ADAMTSL3: variants seen among roughly 807,000 people sequenced by gnomAD.
ADAMTSL3 encodes the protein ADAMTS-like protein 3.
ADAMTSL3 carries 128 observed loss-of-function variants against 201.7 expected under a neutral mutation model. The observed-to-expected ratio is 0.63, with a 90% CI of 0.55 to 0.73. The LOEUF is 0.73. ADAMTSL3 is among the 30% of genes least tolerant of loss of function. The pLI, the probability that ADAMTSL3 is intolerant of heterozygous loss-of-function variation, is 0.00. For missense variants in ADAMTSL3, 1,990 were observed against 2,119.6 expected, an observed-to-expected ratio of 0.94 and a Z score of 1.20; for synonymous variants, 738 against 748.4, an observed-to-expected ratio of 0.99 and a Z score of 0.23.
chr15:83,906,622 C>CCA (rs1157198460), intron 15 of ADAMTSL3, among the ~76,000 whole-genome samples: 800 of 78,972 alleles, frequency 0.01, 4 homozygotes, highest in South Asian at 0.042. Context: ...GTGCCACACA[C>CCA]CACACACACA....
chr15:83,783,526 C>T (rs973431929), intron 4 of ADAMTSL3, among the ~76,000 whole-genome samples: 22 of 151,178 alleles, frequency 1.5e-4, no homozygotes, highest in Middle Eastern at 3.4e-3. Context: ...ACAAGGATAC[C>T]GAAAGACTGA....
At chr15:83,826,217 C>G (rs1330327162) in intron 6 of ADAMTSL3, among the ~76,000 whole-genome samples, 1 of 152,040 alleles carries the variant, frequency 6.6e-6, no homozygotes, top group Non-Finnish European at 1.5e-5. Context: ...GTAATCCTCC[C>G]AACCTAGTCT....
At chr15:83,999,146 A>T (rs1021488495) in intron 23 of ADAMTSL3, among the ~76,000 whole-genome samples, 2 of 152,178 alleles carry the variant, frequency 1.3e-5, no homozygotes, top group African/African-American at 4.8e-5. Context: ...TATTCCTGTA[A>T]CCCTTTCTCT....
intron 7 of ADAMTSL3, among the ~76,000 whole-genome samples, chr15:83,842,728 C>T (rs79588918): frequency 0.033 from 5,010 of 152,180 alleles, 279 homozygotes; most frequent in African/African-American, 0.11. Flanking sequence ...AGTTTTAGGA[C>T]TCAGATCAGT....
At chr15:83,869,698 G>C (rs1014393133) in intron 8 of ADAMTSL3, among the ~76,000 whole-genome samples, 1 of 152,138 alleles carries the variant, frequency 6.6e-6, no homozygotes, top group Non-Finnish European at 1.5e-5. Context: ...CATTTTATCA[G>C]CTTTCCATTT....
intron 15 of ADAMTSL3, among the ~76,000 whole-genome samples, chr15:83,903,288 T>TA (rs1237578438): frequency 7.0e-6 from 1 of 142,520 alleles, no homozygotes; most frequent in Non-Finnish European, 1.5e-5. Flanking sequence ...ACACAAAACT[T>TA]ACCATTTTAA....
intron 6 of ADAMTSL3, among the ~76,000 whole-genome samples, chr15:83,834,324 G>A (rs760044288): frequency 6.6e-6 from 1 of 152,100 alleles, no homozygotes; most frequent in Non-Finnish European, 1.5e-5. Flanking sequence ...AACTTCAAAG[G>A]GGGTGGAGAA....
At chr15:83,721,724 A>G (rs574021586) in intron 3 of ADAMTSL3, among the ~76,000 whole-genome samples, 4 of 151,932 alleles carry the variant, frequency 2.6e-5, no homozygotes, top group Non-Finnish European at 4.4e-5. Flanking sequence ...TAGCATATTT[A>G]TGTGTTTTGT....
chr15:83,826,204 C>T (rs1265050768), intron 6 of ADAMTSL3, among the ~76,000 whole-genome samples: 1 of 152,028 alleles, frequency 6.6e-6, no homozygotes, highest in Non-Finnish European at 1.5e-5. Context: ...CTCCTGGGCT[C>T]AAGTAATCCT....
intron 4 of ADAMTSL3, among the ~76,000 whole-genome samples, chr15:83,793,122 C>T (rs188621134): frequency 7.2e-5 from 11 of 151,952 alleles, no homozygotes; most frequent in Middle Eastern, 3.4e-3. Flanking sequence ...CATATGTAGA[C>T]GCTAAAAAAG....
In ADAMTSL3 at chr15:83,690,766, G is replaced by A. The variant is rs543171418; in HGVS notation, c.70-13623G>A. 7.9e-5 allele frequency among the ~76,000 whole-genome samples: 12 copies of A among 152,288 alleles called. No individual in the cohort carries two copies. The South Asian group carries it at 2.1e-3, about 26-fold the overall frequency. ...CTAGCACCAGACAAGACGCATGCTT[G>A]TACAGTAGTACTAAGGCTTACATTA... On this transcript the variant is annotated intron_variant, in intron 2 of 29. Coordinates refer to ENST00000286744, the MANE Select transcript of ADAMTSL3 (RefSeq NM_207517.3).
chr15:83,684,151 T>C (rs2061509449), intron 2 of ADAMTSL3, among the ~76,000 whole-genome samples: 3 of 152,202 alleles, frequency 2.0e-5, no homozygotes, highest in East Asian at 3.8e-4. Flanking sequence ...CTCATAGATA[T>C]TATAAGTTTT....
At chr15:83,783,432 G>A (rs570705476) in intron 4 of ADAMTSL3, among the ~76,000 whole-genome samples, 101 of 152,100 alleles carry the variant, frequency 6.6e-4, no homozygotes, top group African/African-American at 2.3e-3. Context: ...AGATGTAAAT[G>A]GACTAATTAC....
chr15:83,714,743 T>C (rs1164193047), intron 3 of ADAMTSL3, among the ~76,000 whole-genome samples: 1 of 23,746 alleles, frequency 4.2e-5, no homozygotes. Context: ...TCCTTCTCCT[T>C]TTCCTTCCTT....
intron 9 of ADAMTSL3, among the ~76,000 whole-genome samples, chr15:83,873,164 C>T (rs2065113493): frequency 7.0e-6 from 1 of 143,792 alleles, no homozygotes; most frequent in African/African-American, 2.7e-5. Flanking sequence ...AATAGCCGGA[C>T]GTGGTGGCAC....
chr15:83,910,590 C>T (rs1187734461), intron 15 of ADAMTSL3, among the ~76,000 whole-genome samples: 3 of 149,096 alleles, frequency 2.0e-5, no homozygotes, highest in Non-Finnish European at 4.4e-5. Flanking sequence ...ACTAGGAGGA[C>T]ATTGAGTATA....
chr15:84,036,319 C>A (rs1329323110), intron 28 of ADAMTSL3, among the ~76,000 whole-genome samples: 1 of 152,170 alleles, frequency 6.6e-6, no homozygotes, highest in African/African-American at 2.4e-5. Flanking sequence ...TTTTAGCAGA[C>A]AAGGTTGCTC....
chr15:83,743,792 G>A (rs1002574101), intron 3 of ADAMTSL3, among the ~76,000 whole-genome samples: 1 of 152,140 alleles, frequency 6.6e-6, no homozygotes, highest in African/African-American at 2.4e-5. Context: ...TTTCAATCTA[G>A]TGTAATAATG....
Position 83,762,075 on chromosome 15 carries a change from G to A in ADAMTSL3, c.190-11448G>A, listed in dbSNP as rs143000257. 5.3e-5 allele frequency among the ~76,000 whole-genome samples: 8 copies of A among 149,758 alleles called. No homozygotes were observed. The East Asian group carries it at 1.6e-3, about 29-fold the overall frequency. ...AATATGATTTTTTTTTTTTTGAGAT[G>A]GAGTCTCGCTCTATCACCAGGCTGG... On this transcript the variant is annotated intron_variant, in intron 3 of 29. Coordinates refer to ENST00000286744, the MANE Select transcript of ADAMTSL3 (RefSeq NM_207517.3).
Sources: gnomAD v4.1 joint callset for allele counts (sites outside exome capture counted in the v4.1 genomes callset) on GRCh38, gnomAD v4.1.1 for gene constraint, MANE v1.5 for transcripts, NCBI Gene and HGNC (gene_info 2026-07-23, HGNC 2026-07-21) for gene names.